The following CNTLN variants were observed in gnomAD, a reference collection of about 807,000 sequenced individuals.
The protein encoded by CNTLN is centlein, centrosomal protein.
In CNTLN, 212 loss-of-function variants were observed where a neutral mutation model predicts 180.0. That is an observed-to-expected ratio of 1.18 (90% CI 1.05 to 1.32). The LOEUF (loss-of-function observed/expected upper bound fraction) is 1.32. Ranked by LOEUF, CNTLN falls within the 40% of genes most tolerant of loss-of-function variation. CNTLN has a pLI of 0.00. For missense variants in CNTLN, 2,095 were observed against 1,610.9 expected, an observed-to-expected ratio of 1.30 and a Z score of -5.14; for synonymous variants, 722 against 563.1, an observed-to-expected ratio of 1.28 and a Z score of -3.99.
intron 6 of CNTLN, among the ~76,000 whole-genome samples, chr9:17,296,792 A>C (rs1259057098): frequency 6.6e-6 from 1 of 152,094 alleles, no homozygotes. Context: ...AAAATTGTGT[A>C]TATCCATGTA....
At position 17,396,863 on chromosome 9, in the gene CNTLN, C is replaced by G. The variant is rs1209892173; in HGVS notation, c.2615+1794C>G. ...CAGGCAGTTAAAGAAACTCAAAAAA[C>G]ATATTCATGAAGGAAAGGCCAAAGG... On this transcript the variant is annotated intron_variant, in intron 15 of 25. Transcript: ENST00000380647. Among the ~76,000 whole-genome samples the G allele has an allele frequency of 2.0e-5, 3 of 152,204 alleles. 1 individual carries two copies. The highest frequency in any genetic ancestry group is 4.1e-4 in the South Asian group (2 of 4,830).
intron 5 of CNTLN, among the ~76,000 whole-genome samples, chr9:17,264,980 C>G (rs1377704111): frequency 2.1e-5 from 3 of 144,826 alleles, no homozygotes; most frequent in Non-Finnish European, 4.5e-5. Flanking sequence ...ATCATGTCAT[C>G]TGCAAACAGG....
chr9:17,286,497 T>G (rs1247971633), intron 6 of CNTLN, among the ~76,000 whole-genome samples: 6 of 126,190 alleles, frequency 4.8e-5, no homozygotes, highest in South Asian at 6.7e-4. Context: ...GGGCTCTTTT[T>G]TGGTTCCATA....
intron 18 of CNTLN, among the ~76,000 whole-genome samples, chr9:17,433,566 G>T (rs554711029): frequency 1.3e-5 from 2 of 151,962 alleles, no homozygotes; most frequent in Non-Finnish European, 2.9e-5. Flanking sequence ...GATTACAGGC[G>T]TGAGCCACCG....
At chr9:17,184,899 G>A (rs905886911) in intron 2 of CNTLN, among the ~76,000 whole-genome samples, 19 of 152,184 alleles carry the variant, frequency 1.2e-4, no homozygotes, top group African/African-American at 4.6e-4. Flanking sequence ...AAGGATTGTA[G>A]GTTAGAGTGA....
At chr9:17,409,240 A>G (rs1236807639) in intron 15 of CNTLN, 53 bp from the exon 16 acceptor site, 1 of 1,518,298 alleles carries the variant, frequency 6.6e-7, no homozygotes, top group Non-Finnish European at 9.0e-7. Flanking sequence ...TAAGACAAGT[A>G]CATGTAACAA....
chr9:17,190,030 T>C (rs933392430), intron 2 of CNTLN, among the ~76,000 whole-genome samples: 9 of 151,552 alleles, frequency 5.9e-5, no homozygotes, highest in Non-Finnish European at 1.0e-4. Context: ...CATCCTCTAG[T>C]ATATTGCCTG....
intron 18 of CNTLN, among the ~76,000 whole-genome samples, chr9:17,420,855 G>T (rs1415111806): frequency 1.3e-5 from 2 of 151,974 alleles, no homozygotes; most frequent in Non-Finnish European, 2.9e-5. Context: ...ATTTCCATGT[G>T]TTTCTATAAT....
At chr9:17,185,175 A>C (rs1259271055) in intron 2 of CNTLN, among the ~76,000 whole-genome samples, 1 of 152,244 alleles carries the variant, frequency 6.6e-6, no homozygotes, top group Non-Finnish European at 1.5e-5. Flanking sequence ...TAAAACATTC[A>C]AACACATTTA....
the CNTLN span, among the ~76,000 whole-genome samples, chr9:17,521,265 A>AAGACAGAG: frequency 8.4e-6 from 1 of 118,508 alleles, no homozygotes; most frequent in African/African-American, 3.1e-5. Context: ...AAGGGAGAAA[A>AAGACAGAG]AGAGAGAGAG....
At chr9:17,240,625 G>A (rs772892416) in intron 5 of CNTLN, among the ~76,000 whole-genome samples, 16 of 151,838 alleles carry the variant, frequency 1.1e-4, no homozygotes, top group Non-Finnish European at 2.2e-4. Flanking sequence ...TTCACATAGA[G>A]TTGTTTGAGC....
intron 6 of CNTLN, among the ~76,000 whole-genome samples, chr9:17,274,453 A>ATATC (rs71331478): frequency 0.092 from 12,783 of 138,730 alleles, 610 homozygotes; most frequent in East Asian, 0.12. Context: ...TCATAGATCA[A>ATATC]TATCTATCTA....
rs1564066078 is a variant in CNTLN, at chr9:17,394,610, TGAAA to T, written c.2161_2164del (p.Glu721MetfsTer4). Reference sequence around the variant, plus strand: ...TTAAAAGAAGGGAATAAAAAATTAATGAAAGAAAATGATTTTCTGAAATCCCTCT... The same window carrying T: ...TTAAAAGAAGGGAATAAAAAATTAATGAAAATGATTTTCTGAAATCCCTCT... On this transcript the variant is annotated frameshift_variant, in exon 15 of 26. Coordinates refer to ENST00000380647, the MANE Select transcript of CNTLN (RefSeq NM_017738.4). LOFTEE classifies it high-confidence loss of function. 1 of 1,596,034 alleles carries T rather than the reference TGAAA, an allele frequency of 6.3e-7. No individual in the cohort carries two copies. Among genetic ancestry groups the T allele is most frequent in the Admixed American group, 1.8e-5 (1 of 55,558 alleles).
intron 15 of CNTLN, among the ~76,000 whole-genome samples, chr9:17,402,726 G>A (rs1303863918): frequency 6.6e-6 from 1 of 151,696 alleles, no homozygotes; most frequent in East Asian, 1.9e-4. Context: ...GCTCTCCTGG[G>A]TCTCTAGCCT....
chr9:17,254,831 T>C (rs1191500749), intron 5 of CNTLN, among the ~76,000 whole-genome samples: 1 of 151,716 alleles, frequency 6.6e-6, no homozygotes, highest in Non-Finnish European at 1.5e-5. Flanking sequence ...AAAAGTGTCA[T>C]TGGGATATTG....
intron 1 of CNTLN, among the ~76,000 whole-genome samples, chr9:17,142,398 A>G (rs562393784): frequency 6.6e-6 from 1 of 152,320 alleles, no homozygotes; most frequent in East Asian, 1.9e-4. Context: ...AATAGATGGC[A>G]GTATCAATTT....
rs568338330 is a variant in CNTLN at position 17,152,013 on chromosome 9, A to G, written c.449+8637A>G. 8.5e-5 allele frequency among the ~76,000 whole-genome samples: 13 copies of G among 152,060 alleles called. 1 individual carries two copies. Among genetic ancestry groups the G allele is most frequent in the South Asian group, 4.1e-4 (2 of 4,824 alleles). ...TTTGGGATCAGTGGTGATATCCCCT[A>G]TATCATTTTTTATGGCATCTATTTG... On this transcript the variant is annotated intron_variant, in intron 2 of 25. Coordinates refer to ENST00000380647, the MANE Select transcript of CNTLN (RefSeq NM_017738.4).
intron 2 of CNTLN, among the ~76,000 whole-genome samples, chr9:17,212,797 C>T (rs1823425313): frequency 1.3e-5 from 2 of 152,202 alleles, no homozygotes; most frequent in South Asian, 2.1e-4. Context: ...GTGTATGTGT[C>T]CAGGAATTTA....
intron 5 of CNTLN, among the ~76,000 whole-genome samples, chr9:17,239,625 C>A (rs1029019425): frequency 1.3e-5 from 2 of 152,084 alleles, no homozygotes; most frequent in Non-Finnish European, 2.9e-5. Flanking sequence ...TTCTTTGATA[C>A]ATTTTGAGTT....
Sources: gnomAD v4.1 joint callset for allele counts (sites outside exome capture counted in the v4.1 genomes callset) on GRCh38, gnomAD v4.1.1 for gene constraint, MANE v1.5 for transcripts, NCBI Gene and HGNC (gene_info 2026-07-23, HGNC 2026-07-21) for gene names.